SMG6: variants seen among roughly 807,000 people sequenced by gnomAD.
The protein encoded by SMG6 is telomerase-binding protein EST1A.
A neutral mutation model predicts 142.2 loss-of-function variants in SMG6; 66 were observed. The ratio of observed to expected loss-of-function variants is 0.46; its 90% confidence interval spans 0.38 to 0.57. The LOEUF (loss-of-function observed/expected upper bound fraction) is 0.57. Ranked by LOEUF, SMG6 falls within the 20% of genes least tolerant of loss-of-function variation. The probability of loss-of-function intolerance (pLI) is 0.00; values close to 1 mark genes in which losing one functional copy is unlikely to be tolerated. For missense variants in SMG6, 1,793 were observed against 1,832.0 expected, an observed-to-expected ratio of 0.98 and a Z score of 0.39; for synonymous variants, 779 against 702.4, an observed-to-expected ratio of 1.11 and a Z score of -1.72.
intron 8 of SMG6, among the ~76,000 whole-genome samples, chr17:2,282,390 CAAAAAAAAAAAAA>C (rs576759563): frequency 3.5e-5 from 3 of 84,526 alleles, no homozygotes; most frequent in African/African-American, 8.8e-5. Flanking sequence ...CAAAAAGCAG[CAAAAAAAAAAAAA>C]AAAAAAAAAA....
Position 2,065,540 on chromosome 17 carries a change from C to A in SMG6, c.3975G>T (p.Leu1325=), listed in dbSNP as rs1302006577. ...EQRFESRDSC[L]RALTSRGNEL... The stretch of plus-strand genomic sequence containing the variant: ...CATTGCCACGGCTGGTCAGGGCTCG[C>A]AGGCAAGAGTCCCGACTCTCGAATC... Residue 1325 remains leucine (L), a synonymous_variant, in exon 17 of 19, where the codon CTG becomes CTT. Coordinates refer to ENST00000263073, the MANE Select transcript of SMG6 (RefSeq NM_017575.5). 2 of 1,613,920 alleles carry A rather than the reference C, an allele frequency of 1.2e-6. No homozygotes were observed. Among genetic ancestry groups the A allele is most frequent in the Non-Finnish European group, 1.7e-6 (2 of 1,180,020 alleles).
chr17:2,064,929 G>T, intron 18 of SMG6, 144 bp downstream of exon 18: 1 of 630,600 alleles, frequency 1.6e-6, no homozygotes, highest in Non-Finnish European at 2.8e-6. Flanking sequence ...GGGAGGTTGG[G>T]CCTCAGGCAT....
At chr17:2,161,996 G>A (rs932960620) in intron 13 of SMG6, among the ~76,000 whole-genome samples, 5 of 152,204 alleles carry the variant, frequency 3.3e-5, no homozygotes, top group Admixed American at 2.6e-4. Context: ...AGACTTATGT[G>A]TAAGGCTCCC....
intron 10 of SMG6, among the ~76,000 whole-genome samples, chr17:2,213,180 C>T (rs191707294): frequency 2.0e-5 from 3 of 152,220 alleles, no homozygotes; most frequent in Non-Finnish European, 4.4e-5. Flanking sequence ...TAAAACTCTA[C>T]CTCAGAAGAA....
chr17:2,246,259 T>C (rs1334498167), intron 8 of SMG6, among the ~76,000 whole-genome samples: 4 of 152,202 alleles, frequency 2.6e-5, no homozygotes. Context: ...CCTGGTCTCC[T>C]AGAAGCAGTA....
At chr17:2,136,834 C>A (rs759935718) in intron 13 of SMG6, among the ~76,000 whole-genome samples, 1 of 150,468 alleles carries the variant, frequency 6.6e-6, no homozygotes, top group Admixed American at 6.7e-5. Flanking sequence ...AAATAAAACA[C>A]AAGAAAAAAC....
At chr17:2,226,712 T>C (rs1486200093) in intron 10 of SMG6, among the ~76,000 whole-genome samples, 2 of 151,742 alleles carry the variant, frequency 1.3e-5, no homozygotes, top group Non-Finnish European at 2.9e-5. Context: ...CTTGCCAACA[T>C]GGTGAAACCC....
intron 8 of SMG6, among the ~76,000 whole-genome samples, chr17:2,253,277 G>A (rs546487581): frequency 6.6e-4 from 100 of 152,106 alleles, no homozygotes; most frequent in African/African-American, 2.3e-3. Context: ...GAGCAGCTGG[G>A]ACTACAGGCG....
rs150178250 is a variant in SMG6 at position 2,133,522 on chromosome 17, T to C, written c.3357+39136A>G. On this transcript the variant is annotated intron_variant, in intron 13 of 18. Transcript: ENST00000263073. ...TCTTTAGCAAAATAACTTTGATTTT[T>C]AGCTAAGAGTATGAGTGCATGTGTG... Among the ~76,000 whole-genome samples, 242 of 152,310 alleles carry C rather than the reference T, an allele frequency of 1.6e-3. 1 individual carries two copies. The highest frequency in any genetic ancestry group is 0.01 in the Middle Eastern group (3 of 294).
At chr17:2,064,046 T>C (rs1215354944) in intron 18 of SMG6, among the ~76,000 whole-genome samples, 2 of 151,952 alleles carry the variant, frequency 1.3e-5, no homozygotes, top group Non-Finnish European at 2.9e-5. Flanking sequence ...AAGAGACTCA[T>C]GCAGGAGTGA....
chr17:2,082,265 ACACT>A, intron 14 of SMG6: 1 of 289,594 alleles, frequency 3.5e-6, no homozygotes. Flanking sequence ...TTCCTGGTAC[ACACT>A]CACAAAGTCA....
intron 13 of SMG6, among the ~76,000 whole-genome samples, chr17:2,120,963 T>C (rs911105763): frequency 3.9e-5 from 6 of 152,040 alleles, no homozygotes; most frequent in African/African-American, 1.4e-4. Context: ...CAACTATAGA[T>C]GATGAGCTTA....
chr17:2,150,254 C>T (rs958935801), intron 13 of SMG6, among the ~76,000 whole-genome samples: 8 of 152,246 alleles, frequency 5.3e-5, no homozygotes, highest in Non-Finnish European at 5.9e-5. Flanking sequence ...CTAACTAATG[C>T]TGGATGATGG....
At chr17:2,162,012 T>C (rs1051819631) in intron 13 of SMG6, among the ~76,000 whole-genome samples, 1 of 152,190 alleles carries the variant, frequency 6.6e-6, no homozygotes, top group African/African-American at 2.4e-5. Flanking sequence ...CTCCCTGAGA[T>C]GGCATCGTTT....
At chr17:2,164,111 A>G (rs935814708) in intron 13 of SMG6, among the ~76,000 whole-genome samples, 2 of 151,678 alleles carry the variant, frequency 1.3e-5, no homozygotes, top group African/African-American at 2.4e-5. Flanking sequence ...TACTAAAAGT[A>G]CAAAAATATA....
intron 8 of SMG6, among the ~76,000 whole-genome samples, chr17:2,257,506 T>C (rs573131482): frequency 2.0e-5 from 3 of 152,304 alleles, no homozygotes; most frequent in East Asian, 1.9e-4. Flanking sequence ...TCCTGAGTAG[T>C]AGCAATTCCA....
chr17:2,255,403 C>CACA (rs2074146861), intron 8 of SMG6, among the ~76,000 whole-genome samples: 1 of 73,598 alleles, frequency 1.4e-5, no homozygotes, highest in Non-Finnish European at 2.6e-5. Flanking sequence ...GACTCCGTCT[C>CACA]AAAAAAAAAA....
chr17:2,277,315 T>C (rs572433881), intron 8 of SMG6, among the ~76,000 whole-genome samples: 126 of 151,960 alleles, frequency 8.3e-4, no homozygotes, highest in South Asian at 2.3e-3. Context: ...TACAGGTGCC[T>C]GCCACCATGC....
chr17:2,121,630 T>TA (rs1336272356), intron 13 of SMG6, among the ~76,000 whole-genome samples: 14 of 80,698 alleles, frequency 1.7e-4, no homozygotes, highest in South Asian at 3.5e-4. Context: ...TGTGTGTGTG[T>TA]GTGTGTGTGT....
Sources: gnomAD v4.1 joint callset for allele counts (sites outside exome capture counted in the v4.1 genomes callset) on GRCh38, gnomAD v4.1.1 for gene constraint, MANE v1.5 for transcripts, NCBI Gene and HGNC (gene_info 2026-07-23, HGNC 2026-07-21) for gene names.